Variants in CYP11B2 observed in about 807,000 individuals in gnomAD.
CYP11B2 encodes cytochrome P450 11B2, mitochondrial.
In CYP11B2, 38 loss-of-function variants were observed where a neutral mutation model predicts 49.3. That is an observed-to-expected ratio of 0.77 (90% CI 0.59 to 1.01). The LOEUF (loss-of-function observed/expected upper bound fraction) is 1.01. CYP11B2 is among the 50% of genes least tolerant of loss of function. The pLI, the probability that CYP11B2 is intolerant of heterozygous loss-of-function variation, is 0.00. For missense variants in CYP11B2, 669 were observed against 655.5 expected (o/e 1.02, Z -0.23); for synonymous variants, 290 against 269.3 (o/e 1.08, Z -0.75).
Position 142,912,416 on chromosome 8 carries a change from C to T in CYP11B2, c.1398+114G>A, listed in dbSNP as rs536072761. ...CCCTGGTCACGCCGACCTCAACCAA[C>T]CAAGGCCCCATCCACTGTTCCCAGG... On this transcript the variant is annotated intron_variant, in intron 8 of 8. Coordinates refer to ENST00000323110, the MANE Select transcript of CYP11B2 (RefSeq NM_000498.3). 989 of 1,227,588 alleles carry T rather than the reference C, an allele frequency of 8.1e-4. 17 individuals are homozygous for T. The South Asian group carries it at 0.012, about 15-fold the overall frequency. The allele number at this position is 1,227,588 out of a possible 1,614,324, so 76.0% of individuals were successfully genotyped here.
At chr8:142,916,989 C>G in intron 2 of CYP11B2, 70 bp downstream of exon 2, 19 of 1,586,498 alleles carry the variant, frequency 1.2e-5, no homozygotes, top group Non-Finnish European at 1.5e-5. Flanking sequence ...GGTCCTACCT[C>G]TCTCGCCTCC....
In CYP11B2 at chr8:142,915,109, G is replaced by A. The variant is rs1205192306; in HGVS notation, c.532C>T (p.Gln178Ter). The change falls in exon 3 of 9, where the codon CAG becomes TAG. Residue 178 changes from glutamine (Q) to a stop codon, truncating the protein, a stop_gained. Transcript: ENST00000323110. LOFTEE classifies it high-confidence loss of function. The part of the protein sequence containing the change: ...FSQALKKKVL[Q>*]NARGSLTLDV... Reference sequence around the variant, plus strand: ...AGGGTCAGGCTCCCCCGGGCGTTCTGCAGCACCTTCTTCTTCAGGGCCTGG... The same window carrying A: ...AGGGTCAGGCTCCCCCGGGCGTTCTACAGCACCTTCTTCTTCAGGGCCTGG... The A allele has an allele frequency of 5.0e-6, 8 of 1,613,706 alleles. No individual in the cohort carries two copies.
In CYP11B2 at chr8:142,914,378, G is replaced by A; in HGVS notation, c.840C>T (p.Phe280=). The A allele has an allele frequency of 6.2e-7, 1 of 1,613,478 alleles. No individual in the cohort carries two copies. Among genetic ancestry groups the A allele is most frequent in the South Asian group, 1.1e-5 (1 of 91,018 alleles). The part of the protein sequence containing the change: ...CIQKIYQELA[F]NRPQHYTGIV... ...TGCCTGTGTAGTGTTGAGGGCGGTT[G>A]AAGGCCAGTTCCTGGTAGATTTTCT... is the stretch of plus-strand genomic sequence containing the variant. The change falls in exon 5 of 9, where the codon TTC becomes TTT. Residue 280 remains phenylalanine (F), a synonymous_variant. Coordinates refer to ENST00000323110, the MANE Select transcript of CYP11B2 (RefSeq NM_000498.3).
chr8:142,914,938 G>A (rs1360182906), intron 3 of CYP11B2, 30 bp from the exon 4 acceptor site: 1 of 1,610,562 alleles, frequency 6.2e-7, no homozygotes, highest in East Asian at 2.2e-5. Context: ...CTGAGCACAA[G>A]GCAGCCCCAG....
Position 142,911,838 on chromosome 8 carries a change from C to A in CYP11B2, c.*142G>T. ...CTGGCAAGCCCCAGTCCTGGAGGCC[C>A]TGGGGAGTTCCATTTGTGCAGGAGC... is the stretch of plus-strand genomic sequence containing the variant. On this transcript the variant is annotated 3_prime_UTR_variant, in exon 9 of 9. Coordinates refer to ENST00000323110, the MANE Select transcript of CYP11B2 (RefSeq NM_000498.3). 1 of 1,318,204 alleles carries A rather than the reference C, an allele frequency of 7.6e-7. No homozygotes were observed. Among genetic ancestry groups the A allele is most frequent in the Non-Finnish European group, 1.0e-6 (1 of 952,988 alleles). The allele number at this position is 1,318,204 out of a possible 1,614,324, so 81.7% of individuals were successfully genotyped here.
At position 142,911,730 on chromosome 8, in the gene CYP11B2, G is replaced by A. The variant is rs2130322693; in HGVS notation, c.*250C>T. 2 of 544,232 alleles carry A rather than the reference G, an allele frequency of 3.7e-6. No homozygotes were observed. The highest frequency in any genetic ancestry group is 5.1e-4 in the Middle Eastern group (1 of 1,960). 33.7% of individuals were successfully genotyped at this position (544,232 alleles called of 1,614,324 possible). On this transcript the variant is annotated 3_prime_UTR_variant, in exon 9 of 9. Transcript: ENST00000323110. Reference sequence around the variant, plus strand: ...CAGAGGGCACTGCTTGCTGGAGAAGGGGCCAGGTGGAGCTGGGGACAAGGC... The same window carrying A: ...CAGAGGGCACTGCTTGCTGGAGAAGAGGCCAGGTGGAGCTGGGGACAAGGC...
intron 8 of CYP11B2, 149 bp downstream of exon 8, chr8:142,912,381 C>A: frequency 2.1e-6 from 2 of 971,140 alleles, no homozygotes; most frequent in Non-Finnish European, 3.1e-6. Context: ...TCTTGCTCAG[C>A]ACAGATCCTC....
rs4536 is a variant in CYP11B2 at position 142,914,345 on chromosome 8, C to T, written c.873G>A (p.Ala291=). Residue 291 remains alanine (A), a synonymous_variant, in exon 5 of 9, where the codon GCG becomes GCA. Transcript: ENST00000323110. ...ACAGTTCCGCCTTCAACAGGAGCTCCGCCACGATGCCTGTGTAGTGTTGAG... is the reference window on the plus strand; with the variant it reads ...ACAGTTCCGCCTTCAACAGGAGCTCTGCCACGATGCCTGTGTAGTGTTGAG... The part of the protein sequence containing the change: ...NRPQHYTGIV[A]ELLLKAELSL... 1,536,240 of 1,613,702 alleles carry T rather than the reference C, an allele frequency of 0.95. 737,901 individuals are homozygous for T. The highest frequency in any genetic ancestry group is 0.98 in the Non-Finnish European group (1,158,698 of 1,179,768).
rs115507591 is a variant in CYP11B2, at chr8:142,913,710, T to G, written c.955-259A>C. On this transcript the variant is annotated intron_variant, in intron 5 of 8. Transcript: ENST00000323110. Reference sequence around the variant, plus strand: ...CAGGGCGGGTTCTCACAGCCACCATTAGGGCAGGGGGCCACACCTCAGCAT... The same window carrying G: ...CAGGGCGGGTTCTCACAGCCACCATGAGGGCAGGGGGCCACACCTCAGCAT... Among the ~76,000 whole-genome samples, 349 of 152,232 alleles carry G rather than the reference T, an allele frequency of 2.3e-3. 2 individuals are homozygous for G. Among genetic ancestry groups the G allele is most frequent in the African/African-American group, 8.2e-3 (340 of 41,534 alleles).
intron 5 of CYP11B2, 160 bp downstream of exon 5, chr8:142,914,104 C>A: frequency 8.5e-6 from 7 of 820,208 alleles, no homozygotes; most frequent in Non-Finnish European, 1.2e-5. Context: ...CCCTGCAAAT[C>A]TCATCCCTTA....
rs1817521267 is a variant in CYP11B2 at position 142,910,884 on chromosome 8, G to A, written c.*1096C>T. Reference sequence around the variant, plus strand: ...TGGCTGCTGAGATCTTTGCCCTAATGAAAATCCCAGGAGATAAAGATGATG... The same window carrying A: ...TGGCTGCTGAGATCTTTGCCCTAATAAAAATCCCAGGAGATAAAGATGATG... On this transcript the variant is annotated 3_prime_UTR_variant, in exon 9 of 9. Transcript: ENST00000323110. This position sits in a 1 kb window ranked among gnomAD's most constrained non-coding sequence, Gnocchi z 4.6. The A allele has an allele frequency of 6.6e-6, 1 of 152,190 alleles. No homozygotes were observed. The highest frequency in any genetic ancestry group is 1.5e-5 in the Non-Finnish European group (1 of 68,086). The allele number at this position is 152,190 out of a possible 1,614,324, so 9.4% of individuals were successfully genotyped here.
intron 1 of CYP11B2, 37 bp from the exon 2 acceptor site, chr8:142,917,251 C>A: frequency 6.2e-7 from 1 of 1,609,680 alleles, no homozygotes; most frequent in South Asian, 1.1e-5. Flanking sequence ...TGGACGGGGT[C>A]ATGTCCCTCG....
intron 8 of CYP11B2, among the ~76,000 whole-genome samples, chr8:142,912,326 C>T (rs1424408460): frequency 6.6e-6 from 1 of 152,018 alleles, no homozygotes; most frequent in Non-Finnish European, 1.5e-5. Flanking sequence ...CTCCCCTAGT[C>T]CCCATTTCAA....
rs1817529751 is a variant in CYP11B2, at chr8:142,911,283, C to T, written c.*697G>A. ...CTCAGGAAGCAGAGGACCCAACACTCGCTGCTTGAACAAGACCTGGTCCAT... is the reference window on the plus strand; with the variant it reads ...CTCAGGAAGCAGAGGACCCAACACTTGCTGCTTGAACAAGACCTGGTCCAT... On this transcript the variant is annotated 3_prime_UTR_variant, in exon 9 of 9. Coordinates refer to ENST00000323110, the MANE Select transcript of CYP11B2 (RefSeq NM_000498.3). The T allele has an allele frequency of 6.6e-6, 1 of 152,602 alleles. No homozygotes were observed. Among genetic ancestry groups the T allele is most frequent in the African/African-American group, 2.4e-5 (1 of 41,420 alleles). The allele number at this position is 152,602 out of a possible 1,614,324, so 9.5% of individuals were successfully genotyped here.
intron 8 of CYP11B2, 41 bp downstream of exon 8, chr8:142,912,489 T>TCGGCTGCCCAGGTCCCGCCC: frequency 6.3e-7 from 1 of 1,595,386 alleles, no homozygotes; most frequent in African/African-American, 1.3e-5. Flanking sequence ...AGGTCCCGCC[T>TCGGCTGCCCAGGTCCCGCCC]CTGCTGCCCA....
chr8:142,913,533 C>G (rs572105091), intron 5 of CYP11B2, 82 bp from the exon 6 acceptor site: 886 of 1,550,002 alleles, frequency 5.7e-4, no homozygotes, highest in African/African-American at 2.9e-3. Flanking sequence ...CAACCTCCCT[C>G]TGAGGGGTGG....
Position 142,912,716 on chromosome 8 carries a change from C to A in CYP11B2, c.1212G>T (p.Gln404His). 1 of 1,613,796 alleles carries A rather than the reference C, an allele frequency of 6.2e-7. No individual in the cohort carries two copies. The highest frequency in any genetic ancestry group is 8.5e-7 in the Non-Finnish European group (1 of 1,179,742). The change falls in exon 8 of 9, where the codon CAG (glutamine) becomes CAT (histidine). Residue 404 changes from glutamine to histidine, a missense_variant. Coordinates refer to ENST00000323110, the MANE Select transcript of CYP11B2 (RefSeq NM_000498.3). The part of the protein sequence containing the change: ...NYHIPAGTLV[Q>H]VFLYSLGRNA... ...TGCGACCCAGCGAGTAGAGGAAAACCTGTACCAATGTCTGCGGACGGTGCA... is the reference window on the plus strand; with the variant it reads ...TGCGACCCAGCGAGTAGAGGAAAACATGTACCAATGTCTGCGGACGGTGCA...
In CYP11B2 at chr8:142,913,854, C is replaced by G. The variant is rs1817585772; in HGVS notation, c.955-403G>C. 15 of 470,368 alleles carry G rather than the reference C, an allele frequency of 3.2e-5. 1 individual carries two copies. Among genetic ancestry groups the G allele is most frequent in the South Asian group, 1.9e-4 (11 of 59,298 alleles). The allele number at this position is 470,368 out of a possible 1,614,324, so 29.1% of individuals were successfully genotyped here. ...TGCTGCTGTCTTCCCCACAACCCTGCCCTCCCATGCATCTACATTTCTGGC... is the reference window on the plus strand; with the variant it reads ...TGCTGCTGTCTTCCCCACAACCCTGGCCTCCCATGCATCTACATTTCTGGC... On this transcript the variant is annotated intron_variant, in intron 5 of 8. Coordinates refer to ENST00000323110, the MANE Select transcript of CYP11B2 (RefSeq NM_000498.3).
Position 142,917,192 on chromosome 8 carries a change from T to G in CYP11B2, c.262A>C (p.Met88Leu). 6.2e-7 allele frequency: 1 copy of G among 1,614,108 alleles called. No homozygotes were observed. Among genetic ancestry groups the G allele is most frequent in the South Asian group, 1.1e-5 (1 of 91,080 alleles). Residue 88 changes from methionine (M) to leucine (L), a missense_variant, in exon 2 of 9, where the codon ATG becomes CTG. Transcript: ENST00000323110. The part of the protein sequence containing the change: ...IFRYNLGGPR[M>L]VCVMLPEDVE... Reference sequence around the variant, plus strand: ...TCCTCCGGCAGCATCACACACACCATGCGTGGTCCTCCCAAGTTGTACCTG... The same window carrying G: ...TCCTCCGGCAGCATCACACACACCAGGCGTGGTCCTCCCAAGTTGTACCTG...
Sources: allele counts gnomAD v4.1 joint callset (sites outside exome capture counted in the v4.1 genomes callset), GRCh38; gene constraint gnomAD v4.1.1; non-coding constraint Gnocchi (gnomAD v3.1); transcripts MANE v1.5; gene names NCBI Gene and HGNC (gene_info 2026-07-23, HGNC 2026-07-21).